The following MAGOH variants were observed in gnomAD, a reference collection of about 807,000 sequenced individuals.
MAGOH encodes the protein protein mago nashi homolog.
In MAGOH, 3 loss-of-function variants were observed where a neutral mutation model predicts 20.9. That is an observed-to-expected ratio of 0.14 (90% CI 0.07 to 0.37). MAGOH has a LOEUF of 0.37. MAGOH is among the 10% of genes least tolerant of loss of function. The pLI, the probability that MAGOH is intolerant of heterozygous loss-of-function variation, is 1.00. For synonymous variants in MAGOH, 51 were observed against 61.0 expected (o/e 0.84, Z 0.76); for missense variants, 66 against 178.1 (o/e 0.37, Z 3.58).
At chr1:53,236,471 C>T (rs1287965263) in intron 1 of MAGOH, among the ~76,000 whole-genome samples, 1 of 152,196 alleles carries the variant, frequency 6.6e-6, no homozygotes, top group African/African-American at 2.4e-5. Context: ...CAATATTCTT[C>T]TCTCACACAG....
chr1:53,237,673 C>CAAAAA lies in MAGOH; in HGVS notation c.88+683_88+687dup, dbSNP rs1231950502. The stretch of plus-strand genomic sequence containing the variant: ...TGGGCAAAAAGAGCGAAAGCCGTCT[C>CAAAAA]AAAAAAAAAAAAAAAAAAAAGGCCT... On this transcript the variant is annotated intron_variant, in intron 1 of 4. Transcript: ENST00000371470. 1.8e-4 allele frequency among the ~76,000 whole-genome samples: 10 copies of CAAAAA among 55,338 alleles called. 1 individual carries two copies. The South Asian group carries it at 2.9e-3, about 16-fold the overall frequency. The allele number at this position is 55,338 out of a possible 152,430, so 36.3% of individuals were successfully genotyped here.
intron 1 of MAGOH, among the ~76,000 whole-genome samples, chr1:53,238,000 C>T (rs1019076607): frequency 6.6e-6 from 1 of 152,162 alleles, no homozygotes; most frequent in Non-Finnish European, 1.5e-5. Flanking sequence ...GCCCATCCAG[C>T]AATTATTCTA....
At position 53,228,346 on chromosome 1, in the gene MAGOH, C is replaced by A. The variant is rs139473609; in HGVS notation, c.341+526G>T. On this transcript the variant is annotated intron_variant, in intron 4 of 4. Coordinates refer to ENST00000371470, the MANE Select transcript of MAGOH (RefSeq NM_002370.4). ...ACTCAGGAGGCTGAGGCAGGAGAAT[C>A]ACTTGAACTCAGGAGGCAGAGGTTG... Among the ~76,000 whole-genome samples, 376 of 152,206 alleles carry A rather than the reference C, an allele frequency of 2.5e-3. 9 individuals are homozygous for A. In the East Asian group the frequency reaches 0.065, roughly 26 times the overall value.
rs529264233 is a variant in MAGOH at position 53,227,235 on chromosome 1, A to C, written c.342-91T>G. On this transcript the variant is annotated intron_variant, in intron 4 of 4. Transcript: ENST00000371470. ...AAAAGACTATATATTAAAACGGTAT[A>C]TTATGAGGTAATTTAAATATGCTGA... 1.7e-4 allele frequency: 99 copies of C among 566,950 alleles called. 1 individual carries two copies. The South Asian group carries it at 2.8e-3, about 16-fold the overall frequency. 35.1% of individuals were successfully genotyped at this position (566,950 alleles called of 1,614,324 possible).
At chr1:53,232,610 G>A (rs774456612) in intron 3 of MAGOH, among the ~76,000 whole-genome samples, 9 of 152,170 alleles carry the variant, frequency 5.9e-5, no homozygotes, top group African/African-American at 1.7e-4. Flanking sequence ...TATTTTAGGC[G>A]GAATGTGGCA....
intron 3 of MAGOH, among the ~76,000 whole-genome samples, chr1:53,229,658 C>T (rs1645576840): frequency 1.3e-5 from 2 of 152,140 alleles, no homozygotes; most frequent in Non-Finnish European, 1.5e-5. Context: ...GTGACTCATA[C>T]CTGTAATCCC....
At chr1:53,229,450 C>T (rs902228884) in intron 3 of MAGOH, among the ~76,000 whole-genome samples, 11 of 152,162 alleles carry the variant, frequency 7.2e-5, no homozygotes, top group Admixed American at 1.3e-4. Flanking sequence ...GACAGGGTTT[C>T]GCCATGTTGG....
At chr1:53,238,262 CCCT>C (rs1177748615) in intron 1 of MAGOH, 96 bp downstream of exon 1, 2 of 1,056,984 alleles carry the variant, frequency 1.9e-6, no homozygotes, top group Non-Finnish European at 3.0e-6. Context: ...CTCAGTCCCT[CCCT>C]CCTCTAGTTC....
intron 3 of MAGOH, among the ~76,000 whole-genome samples, chr1:53,229,862 T>A (rs983658028): frequency 6.6e-6 from 1 of 152,166 alleles, no homozygotes; most frequent in Non-Finnish European, 1.5e-5. Flanking sequence ...AAGGCTGCAG[T>A]GAGCCATGAT....
At chr1:53,237,073 C>A (rs1446002645) in intron 1 of MAGOH, among the ~76,000 whole-genome samples, 2 of 151,488 alleles carry the variant, frequency 1.3e-5, no homozygotes, top group Admixed American at 1.3e-4. Context: ...CTCAGCCTCC[C>A]GAGCAGCTGG....
chr1:53,235,729 T>C lies in MAGOH; in HGVS notation c.89-94A>G, dbSNP rs528538192. The C allele has an allele frequency of 7.3e-5, 65 of 895,072 alleles. No individual in the cohort carries two copies. The African/African-American group carries it at 8.7e-4, about 12-fold the overall frequency. The allele number at this position is 895,072 out of a possible 1,614,324, so 55.4% of individuals were successfully genotyped here. A position where few individuals can be genotyped will look rare whatever the true frequency, so the allele number is the denominator to read the frequency against. On this transcript the variant is annotated intron_variant, in intron 1 of 4. Coordinates refer to ENST00000371470, the MANE Select transcript of MAGOH (RefSeq NM_002370.4). ...GGCATCAGCAGTTGCCCAAAATGTA[T>C]CTAACTTGCTAAAAGTGTCTAACAG...
At chr1:53,231,139 C>T (rs1645584421) in intron 3 of MAGOH, among the ~76,000 whole-genome samples, 1 of 152,276 alleles carries the variant, frequency 6.6e-6, no homozygotes, top group South Asian at 2.1e-4. Context: ...GAAATGGTAT[C>T]TCACTGTTGT....
In MAGOH at chr1:53,237,673, C is replaced by CAAAAAAAAAAAAAAAAA. The variant is rs1231950502; in HGVS notation, c.88+671_88+687dup. 4.3e-3 allele frequency among the ~76,000 whole-genome samples: 239 copies of CAAAAAAAAAAAAAAAAA among 55,266 alleles called. 16 individuals carry two copies. The highest frequency in any genetic ancestry group is 0.04 in the East Asian group (58 of 1,458). 36.3% of individuals were successfully genotyped at this position (55,266 alleles called of 152,430 possible). A position where few individuals can be genotyped will look rare whatever the true frequency, so the allele number is the denominator to read the frequency against. ...TGGGCAAAAAGAGCGAAAGCCGTCT[C>CAAAAAAAAAAAAAAAAA]AAAAAAAAAAAAAAAAAAAAGGCCT... On this transcript the variant is annotated intron_variant, in intron 1 of 4. Coordinates refer to ENST00000371470, the MANE Select transcript of MAGOH (RefSeq NM_002370.4).
intron 1 of MAGOH, among the ~76,000 whole-genome samples, chr1:53,237,198 C>T (rs1225599911): frequency 6.6e-6 from 1 of 151,046 alleles, no homozygotes; most frequent in East Asian, 2.0e-4. Flanking sequence ...ATCCGCATAC[C>T]TCGGCCTCCC....
At chr1:53,228,743 G>A in intron 4 of MAGOH, 129 bp downstream of exon 4, 1 of 708,578 alleles carries the variant, frequency 1.4e-6, no homozygotes, top group Non-Finnish European at 2.5e-6. Flanking sequence ...CTAACAAGAA[G>A]GACAAAGCTG....
intron 1 of MAGOH, 65 bp downstream of exon 1, chr1:53,238,296 G>A (rs185242513): frequency 4.8e-6 from 7 of 1,468,772 alleles, no homozygotes; most frequent in Middle Eastern, 1.7e-4. Flanking sequence ...TCCGACCCTC[G>A]GCCTCCCCAC....
At chr1:53,238,306 CTCGCCGGCCCCCAGGCCTGG>C (rs1407299357) in intron 1 of MAGOH, 35 bp downstream of exon 1, 59 of 1,559,620 alleles carry the variant, frequency 3.8e-5, no homozygotes, top group Non-Finnish European at 3.4e-5. Flanking sequence ...GGCCTCCCCA[CTCGCCGGCCCCCAGGCCTGG>C]TCCCCGCTCC....
chr1:53,234,373 CTTTTTTTTTT>C (rs71579963), intron 2 of MAGOH, among the ~76,000 whole-genome samples: 51 of 132,686 alleles, frequency 3.8e-4, no homozygotes, highest in Non-Finnish European at 6.6e-4. Context: ...CCTGGTTATT[CTTTTTTTTTT>C]TTTTTTTTGA....
chr1:53,230,517 A>G (rs1572396081), intron 3 of MAGOH, among the ~76,000 whole-genome samples: 1 of 152,170 alleles, frequency 6.6e-6, no homozygotes, highest in African/African-American at 2.4e-5. Flanking sequence ...TCCTGGGCTC[A>G]TGCTATACTG....
Sources: allele counts gnomAD v4.1 joint callset (sites outside exome capture counted in the v4.1 genomes callset), GRCh38; gene constraint gnomAD v4.1.1; transcripts MANE v1.5; gene names NCBI Gene and HGNC (gene_info 2026-07-23, HGNC 2026-07-21).